MINDY3: variants seen among roughly 807,000 people sequenced by gnomAD.
MINDY3 encodes MINDY lysine 48 deubiquitinase 3.
A neutral mutation model predicts 69.2 loss-of-function variants in MINDY3; 38 were observed. The observed-to-expected ratio is 0.55, with a 90% CI of 0.42 to 0.72. The LOEUF (loss-of-function observed/expected upper bound fraction) is 0.72. MINDY3 is among the 30% of genes least tolerant of loss of function. The pLI is 0.00. For missense variants in MINDY3, 522 were observed against 519.0 expected, an observed-to-expected ratio of 1.01 and a Z score of -0.06; for synonymous variants, 192 against 180.1, an observed-to-expected ratio of 1.07 and a Z score of -0.53.
chr10:15,837,928 A>G lies in MINDY3; in HGVS notation c.461+300T>C, dbSNP rs182300461. On this transcript the variant is annotated intron_variant, in intron 5 of 14. Coordinates refer to ENST00000277632, the MANE Select transcript of MINDY3 (RefSeq NM_024948.4). ...AATATTTATCCTACTAGAAATCTTC[A>G]TATTTGTTTAGGTCACAGAAACATT... 54 of 937,762 alleles carry G rather than the reference A, an allele frequency of 5.8e-5. No homozygotes were observed. The East Asian group carries it at 1.0e-3, about 18-fold the overall frequency. 58.1% of individuals were successfully genotyped at this position (937,762 alleles called of 1,614,324 possible).
rs377568966 is a variant in MINDY3 at position 15,779,012 on chromosome 10, G to A, written c.1318C>T (p.Arg440Cys). The A allele has an allele frequency of 1.5e-5, 25 of 1,613,072 alleles. No individual in the cohort carries two copies. In the African/African-American group the frequency reaches 1.7e-4, roughly 11 times the overall value. ...PYIELLWTTD[R>C]SPSLN ...ACAAATTAATTTAGTGAAGGAGAGC[G>A]ATCTGTGGTCCAGAGTAACTCAATG... The change falls in exon 15 of 15, where the codon CGC becomes TGC. Residue 440 changes from arginine to cysteine, a missense_variant. By Grantham distance (180) the Arg-to-Cys change is radical (BLOSUM62 -3). Coordinates refer to ENST00000277632, the MANE Select transcript of MINDY3 (RefSeq NM_024948.4).
chr10:15,833,581 A>G lies in MINDY3; in HGVS notation c.730+49T>C, dbSNP rs753025159. On this transcript the variant is annotated intron_variant, in intron 8 of 14. Coordinates refer to ENST00000277632, the MANE Select transcript of MINDY3 (RefSeq NM_024948.4). ...ACGAATAATAATCAGCTGTATTCCA[A>G]TGAAATATTATTCATCAAAGAGAGC... The G allele has an allele frequency of 4.2e-6, 5 of 1,180,342 alleles. 1 individual carries two copies. Among genetic ancestry groups the G allele is most frequent in the South Asian group, 3.8e-5 (3 of 78,682 alleles). 73.1% of individuals were successfully genotyped at this position (1,180,342 alleles called of 1,614,324 possible).
intron 10 of MINDY3, among the ~76,000 whole-genome samples, chr10:15,812,184 A>C (rs1286084120): frequency 6.6e-6 from 1 of 151,972 alleles, no homozygotes; most frequent in Admixed American, 6.6e-5. Context: ...CACGTGATTC[A>C]CCTGCCTCGG....
At chr10:15,827,067 T>C (rs1056709468) in intron 8 of MINDY3, among the ~76,000 whole-genome samples, 1 of 150,642 alleles carries the variant, frequency 6.6e-6, no homozygotes. Context: ...CAGTGAGCTA[T>C]GACTGCACTA....
chr10:15,858,532 A>G (rs1487790315), intron 1 of MINDY3, among the ~76,000 whole-genome samples: 1 of 152,220 alleles, frequency 6.6e-6, no homozygotes, highest in Non-Finnish European at 1.5e-5. Flanking sequence ...CTAAGCACCT[A>G]AATTATTTAC....
At chr10:15,823,540 T>G (rs766852074) in intron 8 of MINDY3, among the ~76,000 whole-genome samples, 1 of 152,192 alleles carries the variant, frequency 6.6e-6, no homozygotes, top group Non-Finnish European at 1.5e-5. Flanking sequence ...AAAAATGTTA[T>G]TTATGTTAAT....
chr10:15,843,130 TA>T, intron 3 of MINDY3, 81 bp downstream of exon 3: 1 of 1,146,192 alleles, frequency 8.7e-7, no homozygotes, highest in Non-Finnish European at 1.3e-6. Context: ...TTCCCACTGA[TA>T]CTTGACTTTC....
At chr10:15,835,923 A>G (rs1299634876) in intron 6 of MINDY3, among the ~76,000 whole-genome samples, 1 of 151,992 alleles carries the variant, frequency 6.6e-6, no homozygotes, top group African/African-American at 2.4e-5. Context: ...GTCTTATATT[A>G]CAAACACCAA....
chr10:15,854,365 A>G (rs1046612566), intron 1 of MINDY3, among the ~76,000 whole-genome samples: 10 of 152,118 alleles, frequency 6.6e-5, no homozygotes, highest in African/African-American at 1.7e-4. Context: ...CACAGACTGG[A>G]GAAGCCAGTG....
intron 2 of MINDY3, among the ~76,000 whole-genome samples, chr10:15,845,263 T>C (rs981389293): frequency 4.6e-5 from 7 of 151,514 alleles, no homozygotes; most frequent in African/African-American, 1.7e-4. Flanking sequence ...TCCTTCTTTA[T>C]TCCTGGTGTG....
intron 10 of MINDY3, among the ~76,000 whole-genome samples, chr10:15,797,820 C>G (rs527742364): frequency 6.6e-6 from 1 of 152,102 alleles, no homozygotes; most frequent in Non-Finnish European, 1.5e-5. Flanking sequence ...ATTATTATTC[C>G]TCAGTTCCCT....
intron 10 of MINDY3, among the ~76,000 whole-genome samples, chr10:15,809,326 T>A (rs1377303796): frequency 6.6e-6 from 1 of 152,176 alleles, no homozygotes; most frequent in Non-Finnish European, 1.5e-5. Flanking sequence ...AAGAGCTAGT[T>A]TTTTCTTCTG....
chr10:15,782,263 T>C (rs1480833879), intron 13 of MINDY3, 37 bp from the exon 14 acceptor site: 2 of 1,355,394 alleles, frequency 1.5e-6, no homozygotes, highest in South Asian at 1.3e-5. Context: ...CTTTAAATTA[T>C]ATTTATATCA....
At chr10:15,838,711 A>G (rs1833256587) in intron 4 of MINDY3, among the ~76,000 whole-genome samples, 1 of 151,772 alleles carries the variant, frequency 6.6e-6, no homozygotes, top group African/African-American at 2.4e-5. Flanking sequence ...ACAAACATGT[A>G]TAAAAAGGCA....
chr10:15,858,090 A>C (rs1280815312), intron 1 of MINDY3: 2 of 180,370 alleles, frequency 1.1e-5, no homozygotes, highest in Non-Finnish European at 2.1e-5. Context: ...AAGAACAAAC[A>C]AATGAATACA....
At chr10:15,852,538 T>C (rs1257072921) in intron 1 of MINDY3, among the ~76,000 whole-genome samples, 1 of 151,896 alleles carries the variant, frequency 6.6e-6, no homozygotes, top group Non-Finnish European at 1.5e-5. Flanking sequence ...CTGATAAACA[T>C]TAGAAGGATA....
intron 12 of MINDY3, among the ~76,000 whole-genome samples, chr10:15,787,196 C>A (rs1282678241): frequency 6.6e-6 from 1 of 152,058 alleles, no homozygotes; most frequent in African/African-American, 2.4e-5. Context: ...AGAGCTAATG[C>A]GTCATGAATG....
At position 15,834,000 on chromosome 10, in the gene MINDY3, A is replaced by G. The variant is rs1312353100; in HGVS notation, c.651-291T>C. ...CAGACTAATAAGTTACTTAATATTT[A>G]CAATCTTTAAAAATGAATATATAAT... On this transcript the variant is annotated intron_variant, in intron 7 of 14. Coordinates refer to ENST00000277632, the MANE Select transcript of MINDY3 (RefSeq NM_024948.4). Among the ~76,000 whole-genome samples the G allele has an allele frequency of 3.3e-5, 5 of 152,034 alleles. No individual in the cohort carries two copies. The East Asian group carries it at 9.6e-4, about 29-fold the overall frequency.
intron 10 of MINDY3, among the ~76,000 whole-genome samples, chr10:15,803,359 A>G (rs1301893101): frequency 2.0e-5 from 3 of 152,180 alleles, no homozygotes; most frequent in Non-Finnish European, 4.4e-5. Flanking sequence ...TAATATATCA[A>G]TATACTGCAT....
Sources: allele counts gnomAD v4.1 joint callset (sites outside exome capture counted in the v4.1 genomes callset), GRCh38; gene constraint gnomAD v4.1.1; transcripts MANE v1.5; gene names NCBI Gene and HGNC (gene_info 2026-07-23, HGNC 2026-07-21).